The following SLC24A3 variants were observed in gnomAD, a reference collection of about 807,000 sequenced individuals.
The protein encoded by SLC24A3 is sodium/potassium/calcium exchanger 3.
SLC24A3 carries 28 observed loss-of-function variants against 75.8 expected under a neutral mutation model. That is an observed-to-expected ratio of 0.37 (90% confidence interval 0.27 to 0.51). The LOEUF (loss-of-function observed/expected upper bound fraction) is 0.51, where lower values mean the gene tolerates loss of function less well. Among genes scored for constraint, SLC24A3 ranks in the 20% least tolerant of loss-of-function variants. The pLI, the probability that SLC24A3 is intolerant of heterozygous loss-of-function variation, is 0.94. For missense variants in SLC24A3, 663 were observed against 847.8 expected, an observed-to-expected ratio of 0.78 and a Z score of 2.71; for synonymous variants, 372 against 334.1, an observed-to-expected ratio of 1.11 and a Z score of -1.24.
intron 7 of SLC24A3, among the ~76,000 whole-genome samples, chr20:19,665,215 C>T (rs2032383476): frequency 1.3e-5 from 2 of 152,166 alleles, no homozygotes; most frequent in African/African-American, 4.8e-5. Flanking sequence ...CAGGACCATG[C>T]CCAGGGCTTG....
intron 6 of SLC24A3, among the ~76,000 whole-genome samples, chr20:19,596,092 T>G (rs914203408): frequency 7.2e-5 from 11 of 151,988 alleles, no homozygotes; most frequent in Non-Finnish European, 1.6e-4. Context: ...TATGGGTGCA[T>G]TGGGAAGCTA....
intron 2 of SLC24A3, among the ~76,000 whole-genome samples, chr20:19,416,555 G>A (rs6046073): frequency 6.6e-6 from 1 of 152,168 alleles, no homozygotes; most frequent in East Asian, 1.9e-4. Flanking sequence ...CTCTGCCCAA[G>A]GACACCTGCA....
At chr20:19,272,848 A>G (rs1278132031) in intron 1 of SLC24A3, among the ~76,000 whole-genome samples, 1 of 152,186 alleles carries the variant, frequency 6.6e-6, no homozygotes, top group Non-Finnish European at 1.5e-5. Flanking sequence ...TAAGAAAAAA[A>G]CATAACTGAA....
intron 3 of SLC24A3, among the ~76,000 whole-genome samples, chr20:19,535,067 CAG>C (rs1434229288): frequency 1.3e-5 from 2 of 152,188 alleles, no homozygotes; most frequent in East Asian, 3.8e-4. Flanking sequence ...CTCTTTTTAA[CAG>C]AGTATTTTAC....
chr20:19,229,514 T>C (rs982301094), intron 1 of SLC24A3, among the ~76,000 whole-genome samples: 1 of 152,218 alleles, frequency 6.6e-6, no homozygotes, highest in Non-Finnish European at 1.5e-5. Flanking sequence ...GCAGTCATTA[T>C]TGGTACTTTT....
chr20:19,294,368 C>T (rs1471000185), intron 2 of SLC24A3, among the ~76,000 whole-genome samples: 2 of 152,058 alleles, frequency 1.3e-5, no homozygotes, highest in Non-Finnish European at 1.5e-5. Flanking sequence ...ATTTGCTGCA[C>T]CTATCAACCC....
intron 7 of SLC24A3, among the ~76,000 whole-genome samples, chr20:19,654,501 A>C (rs941254222): frequency 2.0e-5 from 3 of 151,738 alleles, no homozygotes; most frequent in African/African-American, 7.3e-5. Flanking sequence ...CCTCCCACAG[A>C]GCCCATTACC....
chr20:19,694,212 A>C (rs2122136881), intron 13 of SLC24A3: 1 of 152,340 alleles, frequency 6.6e-6, no homozygotes, highest in Non-Finnish European at 1.5e-5. Flanking sequence ...TGCATTACCC[A>C]TTTATGGCTA....
chr20:19,714,935 G>A (rs1452908159), intron 15 of SLC24A3, among the ~76,000 whole-genome samples: 1 of 152,200 alleles, frequency 6.6e-6, no homozygotes, highest in Non-Finnish European at 1.5e-5. Context: ...CTAAGTTCTT[G>A]TTGCTGACAA....
rs74845968 is a variant in SLC24A3 at position 19,332,569 on chromosome 20, T to G, written c.271+51482T>G. ...CAAGAATGACAAAAATGCATCTCTC[T>G]TCAACTGACTTCTTTCTGCTGTTGA... On this transcript the variant is annotated intron_variant, in intron 2 of 16. Transcript: ENST00000328041. Among the ~76,000 whole-genome samples the G allele has an allele frequency of 2.0e-5, 3 of 152,312 alleles. No individual in the cohort carries two copies. The East Asian group carries it at 5.8e-4, about 29-fold the overall frequency.
chr20:19,490,086 C>A (rs527715405), intron 2 of SLC24A3, among the ~76,000 whole-genome samples: 2 of 152,308 alleles, frequency 1.3e-5, no homozygotes, highest in Non-Finnish European at 1.5e-5. Context: ...TCCCACAGAT[C>A]TTCCTCCTTA....
chr20:19,547,180 C>G (rs767329477), intron 3 of SLC24A3, among the ~76,000 whole-genome samples: 1 of 152,118 alleles, frequency 6.6e-6, no homozygotes, highest in Non-Finnish European at 1.5e-5. Flanking sequence ...GGATAGGGAC[C>G]ATGTCAATTT....
chr20:19,468,079 T>A (rs1987799339), intron 2 of SLC24A3, among the ~76,000 whole-genome samples: 1 of 152,020 alleles, frequency 6.6e-6, no homozygotes, highest in African/African-American at 2.4e-5. Flanking sequence ...ACAAGAGCAG[T>A]CTTAGAGGGA....
intron 15 of SLC24A3, among the ~76,000 whole-genome samples, chr20:19,713,973 C>A (rs1174929608): frequency 1.3e-5 from 2 of 152,128 alleles, no homozygotes; most frequent in African/African-American, 4.8e-5. Flanking sequence ...CTACAAGGGG[C>A]CAGAGAGGAA....
chr20:19,299,178 G>A (rs949567034), intron 2 of SLC24A3, among the ~76,000 whole-genome samples: 46 of 122,266 alleles, frequency 3.8e-4, no homozygotes, highest in African/African-American at 1.6e-3. Flanking sequence ...CTTCCCCTTC[G>A]TGTGTGTGTG....
At chr20:19,313,668 C>T (rs370235176) in intron 2 of SLC24A3, among the ~76,000 whole-genome samples, 4 of 152,300 alleles carry the variant, frequency 2.6e-5, no homozygotes, top group African/African-American at 7.2e-5. Context: ...ACTAAGAATC[C>T]GAGGCATTAA....
chr20:19,519,423 C>T (rs191650305), intron 3 of SLC24A3, among the ~76,000 whole-genome samples: 78 of 152,262 alleles, frequency 5.1e-4, no homozygotes, highest in African/African-American at 1.7e-3. Flanking sequence ...TTCTGAACAT[C>T]GCAGCTTGAA....
At chr20:19,577,453 G>T (rs2031156788) in intron 3 of SLC24A3, among the ~76,000 whole-genome samples, 1 of 152,146 alleles carries the variant, frequency 6.6e-6, no homozygotes. Context: ...TCCATGCCAA[G>T]CATCCCAGGC....
At chr20:19,298,239 A>G (rs534500784) in intron 2 of SLC24A3, among the ~76,000 whole-genome samples, 1 of 152,366 alleles carries the variant, frequency 6.6e-6, no homozygotes, top group Non-Finnish European at 1.5e-5. Context: ...CGGGAGTTGC[A>G]TGTGTCAGGG....
Sources: allele counts gnomAD v4.1 joint callset (sites outside exome capture counted in the v4.1 genomes callset), GRCh38; gene constraint gnomAD v4.1.1; transcripts MANE v1.5; gene names NCBI Gene and HGNC (gene_info 2026-07-23, HGNC 2026-07-21).